Variants in CAMKMT observed in about 807,000 individuals in gnomAD.
The protein encoded by CAMKMT is CaM KMT.
Under a neutral mutation model 48.0 loss-of-function variants are expected in CAMKMT, and 53 were observed. The ratio of observed to expected loss-of-function variants is 1.10; its 90% CI spans 0.89 to 1.39. The LOEUF (loss-of-function observed/expected upper bound fraction) is 1.39, where lower values mean the gene tolerates loss of function less well. Among genes scored for constraint, CAMKMT ranks in the 40% most tolerant of loss-of-function variants. The pLI is 0.00. For missense variants in CAMKMT, 428 were observed against 402.7 expected, an observed-to-expected ratio of 1.06 and a Z score of -0.54; for synonymous variants, 165 against 152.3, an observed-to-expected ratio of 1.08 and a Z score of -0.61.
chr2:44,549,210 G>C (rs1667571936), intron 3 of CAMKMT, among the ~76,000 whole-genome samples: 1 of 152,138 alleles, frequency 6.6e-6, no homozygotes, highest in Non-Finnish European at 1.5e-5. Flanking sequence ...GCAATCTTCT[G>C]AATCTGGTGA....
At chr2:44,581,036 T>C (rs1182519189) in intron 3 of CAMKMT, among the ~76,000 whole-genome samples, 1 of 152,106 alleles carries the variant, frequency 6.6e-6, no homozygotes, top group Admixed American at 6.6e-5. Flanking sequence ...GCACTCTGTA[T>C]TATTATAAAA....
At chr2:44,481,929 G>A (rs1239966356) in intron 3 of CAMKMT, among the ~76,000 whole-genome samples, 2 of 151,922 alleles carry the variant, frequency 1.3e-5, no homozygotes, top group African/African-American at 4.8e-5. Flanking sequence ...TCAATTCCTT[G>A]TAATTAAAAA....
chr2:44,677,941 C>T (rs1030527252), intron 3 of CAMKMT, among the ~76,000 whole-genome samples: 4 of 151,712 alleles, frequency 2.6e-5, no homozygotes, highest in African/African-American at 9.7e-5. Context: ...AATGGTGTCA[C>T]TAAGGAGTAC....
intron 3 of CAMKMT, among the ~76,000 whole-genome samples, chr2:44,423,751 C>G (rs572469758): frequency 6.6e-6 from 1 of 152,180 alleles, no homozygotes; most frequent in African/African-American, 2.4e-5. Context: ...GTAAAATATA[C>G]ATACAGTTAA....
chr2:44,735,421 C>G (rs1332260193), intron 7 of CAMKMT, among the ~76,000 whole-genome samples: 1 of 152,008 alleles, frequency 6.6e-6, no homozygotes, highest in African/African-American at 2.4e-5. Context: ...TCTTTGTTCC[C>G]CCTTTCATCT....
chr2:44,575,222 G>C (rs777726892), intron 3 of CAMKMT, among the ~76,000 whole-genome samples: 7 of 151,862 alleles, frequency 4.6e-5, no homozygotes, highest in Non-Finnish European at 1.0e-4. Flanking sequence ...GGAATTACAG[G>C]CACATACCAC....
chr2:44,539,343 A>C (rs1040854180), intron 3 of CAMKMT, among the ~76,000 whole-genome samples: 12 of 151,236 alleles, frequency 7.9e-5, no homozygotes, highest in Non-Finnish European at 1.6e-4. Flanking sequence ...TTTTAAATCT[A>C]TTTTAATCTG....
intron 3 of CAMKMT, among the ~76,000 whole-genome samples, chr2:44,691,146 T>A (rs544535018): frequency 6.6e-6 from 1 of 152,152 alleles, no homozygotes; most frequent in Non-Finnish European, 1.5e-5. Flanking sequence ...CACAAAGATA[T>A]TAAGTGTGAG....
intron 3 of CAMKMT, among the ~76,000 whole-genome samples, chr2:44,542,895 G>C (rs1667207817): frequency 3.3e-5 from 5 of 152,154 alleles, no homozygotes; most frequent in Admixed American, 2.6e-4. Context: ...CAGATGGCGG[G>C]AGATCCTGGG....
intron 3 of CAMKMT, among the ~76,000 whole-genome samples, chr2:44,658,957 A>G (rs1252613942): frequency 2.0e-5 from 3 of 151,508 alleles, no homozygotes; most frequent in Non-Finnish European, 4.4e-5. Flanking sequence ...CCCTCACTCC[A>G]TTCCCTCCTC....
At chr2:44,684,179 C>T (rs1408251694) in intron 3 of CAMKMT, among the ~76,000 whole-genome samples, 1 of 152,158 alleles carries the variant, frequency 6.6e-6, no homozygotes, top group Admixed American at 6.5e-5. Context: ...TGTTTTCTGT[C>T]CTGAGAAGTC....
chr2:44,407,042 C>A (rs924360317), intron 3 of CAMKMT, among the ~76,000 whole-genome samples: 3 of 152,146 alleles, frequency 2.0e-5, no homozygotes, highest in Non-Finnish European at 4.4e-5. Flanking sequence ...AAGATTCATG[C>A]CCAAAAGTGG....
At chr2:44,394,281 T>C (rs982184909) in intron 3 of CAMKMT, among the ~76,000 whole-genome samples, 35 of 152,210 alleles carry the variant, frequency 2.3e-4, no homozygotes, top group Non-Finnish European at 4.4e-4. Context: ...TGAAAAAAAT[T>C]TTTTTTCTTG....
intron 3 of CAMKMT, among the ~76,000 whole-genome samples, chr2:44,484,255 A>T (rs1473157695): frequency 6.6e-6 from 1 of 152,034 alleles, no homozygotes. Flanking sequence ...AAATGTAAAG[A>T]ACCAATAATA....
chr2:44,524,504 T>C (rs573011669), intron 3 of CAMKMT, among the ~76,000 whole-genome samples: 31 of 152,322 alleles, frequency 2.0e-4, no homozygotes, highest in Middle Eastern at 3.4e-3. Flanking sequence ...TTTCTTCTTT[T>C]TTCCTTCTCC....
intron 3 of CAMKMT, among the ~76,000 whole-genome samples, chr2:44,581,600 A>G (rs1433256272): frequency 3.9e-5 from 6 of 152,274 alleles, no homozygotes; most frequent in Non-Finnish European, 8.8e-5. Flanking sequence ...TTAAATAATT[A>G]TAACATTCCA....
chr2:44,438,090 G>A (rs73924762), intron 3 of CAMKMT, among the ~76,000 whole-genome samples: 10,685 of 151,962 alleles, frequency 0.07, 1,132 homozygotes, highest in African/African-American at 0.24. Context: ...ACTTATAGCC[G>A]CATGAGAAAA....
At chr2:44,620,200 T>C (rs927465179) in intron 3 of CAMKMT, among the ~76,000 whole-genome samples, 1 of 152,208 alleles carries the variant, frequency 6.6e-6, no homozygotes, top group Non-Finnish European at 1.5e-5. Context: ...GTGATTAAGA[T>C]TGTGATAGAT....
chr2:44,675,901 G>A (rs653231), intron 3 of CAMKMT, among the ~76,000 whole-genome samples: 67,118 of 151,938 alleles, frequency 0.44, 15,832 homozygotes, highest in Non-Finnish European at 0.53. Context: ...TCTGGGTACC[G>A]CAAATAAGTA....
Sources: gnomAD v4.1 joint callset for allele counts (sites outside exome capture counted in the v4.1 genomes callset) on GRCh38, gnomAD v4.1.1 for gene constraint, MANE v1.5 for transcripts, NCBI Gene and HGNC (gene_info 2026-07-23, HGNC 2026-07-21) for gene names.